Variants in C8orf34 observed in about 807,000 individuals in gnomAD.
C8orf34 encodes the protein uncharacterized protein C8orf34.
Under a neutral mutation model 68.3 loss-of-function variants are expected in C8orf34, and 65 were observed. The ratio of observed to expected loss-of-function variants is 0.95; its 90% CI spans 0.78 to 1.17. C8orf34 has a LOEUF of 1.17. C8orf34 is among the 50% of genes most tolerant of loss of function. C8orf34 has a pLI of 0.00. For synonymous variants in C8orf34, 244 were observed against 241.2 expected (o/e 1.01, Z -0.11); for missense variants, 664 against 655.4 (o/e 1.01, Z -0.14).
intron 7 of C8orf34, among the ~76,000 whole-genome samples, chr8:68,538,750 G>A (rs1051407217): frequency 6.6e-6 from 1 of 152,020 alleles, no homozygotes; most frequent in African/African-American, 2.4e-5. Flanking sequence ...CCAACACAAA[G>A]CACTAAATTT....
At chr8:68,617,249 G>C (rs1047151871) in intron 7 of C8orf34, among the ~76,000 whole-genome samples, 1 of 152,170 alleles carries the variant, frequency 6.6e-6, no homozygotes, top group Non-Finnish European at 1.5e-5. Context: ...CAATTTGCCA[G>C]TCTGTGTTTT....
At chr8:68,395,757 T>C (rs567547961) in intron 1 of C8orf34, among the ~76,000 whole-genome samples, 139 of 152,126 alleles carry the variant, frequency 9.1e-4, no homozygotes, top group African/African-American at 3.1e-3. Flanking sequence ...TCAAGGTTGA[T>C]GGGAGATGGG....
chr8:68,440,143 T>A (rs1445895352), intron 2 of C8orf34, among the ~76,000 whole-genome samples: 1 of 152,178 alleles, frequency 6.6e-6, no homozygotes, highest in Non-Finnish European at 1.5e-5. Context: ...TTCGAGTGTA[T>A]CATAGCCTCC....
At chr8:68,817,894 C>A (rs1323535198) in intron 13 of C8orf34, among the ~76,000 whole-genome samples, 2 of 152,098 alleles carry the variant, frequency 1.3e-5, no homozygotes, top group East Asian at 1.9e-4. Flanking sequence ...TCTTGTGAGA[C>A]CTCACTATCC....
At chr8:68,794,472 T>C (rs1824107828) in intron 12 of C8orf34, among the ~76,000 whole-genome samples, 1 of 111,400 alleles carries the variant, frequency 9.0e-6, no homozygotes, top group East Asian at 2.6e-4. Context: ...GTGCCCAGTA[T>C]ATAAATATAA....
intron 6 of C8orf34, among the ~76,000 whole-genome samples, chr8:68,528,877 G>A (rs1203041618): frequency 6.6e-6 from 1 of 152,176 alleles, no homozygotes; most frequent in East Asian, 1.9e-4. Flanking sequence ...TCCTCCAGCA[G>A]ACTCTCTGTG....
At position 68,421,968 on chromosome 8, in the gene C8orf34, A is replaced by C. The variant is rs191335134; in HGVS notation, c.328-17531A>C. 4.2e-4 allele frequency among the ~76,000 whole-genome samples: 64 copies of C among 152,290 alleles called. 1 individual carries two copies. The highest frequency in any genetic ancestry group is 1.3e-3 in the African/African-American group (54 of 41,566). On this transcript the variant is annotated intron_variant, in intron 1 of 13. Coordinates refer to ENST00000518698, the MANE Select transcript of C8orf34 (RefSeq NM_052958.4). ...AAAACCATCAGATCTTTTGAGACTCATTCACTATCATGAAAACAGAATGCA... is the reference window on the plus strand; with the variant it reads ...AAAACCATCAGATCTTTTGAGACTCCTTCACTATCATGAAAACAGAATGCA...
intron 8 of C8orf34, among the ~76,000 whole-genome samples, chr8:68,661,480 T>C (rs755096503): frequency 1.2e-4 from 18 of 151,970 alleles, no homozygotes; most frequent in Non-Finnish European, 2.2e-4. Flanking sequence ...ACTTGAAGAG[T>C]GAATGGAATA....
At chr8:68,431,861 A>G (rs1353389209) in intron 1 of C8orf34, among the ~76,000 whole-genome samples, 1 of 152,160 alleles carries the variant, frequency 6.6e-6, no homozygotes, top group Non-Finnish European at 1.5e-5. Flanking sequence ...TATTTTCATC[A>G]TTCCTAATCT....
chr8:68,355,097 G>A, intron 1 of C8orf34, among the ~76,000 whole-genome samples: 1 of 152,042 alleles, frequency 6.6e-6, no homozygotes. Context: ...ATGTACAGTG[G>A]ATATGTTTTA....
intron 3 of C8orf34, among the ~76,000 whole-genome samples, chr8:68,461,001 A>C (rs1223301247): frequency 2.0e-5 from 3 of 152,236 alleles, no homozygotes; most frequent in Non-Finnish European, 2.9e-5. Context: ...TCCGAGCTAC[A>C]GGAAGAAATT....
At chr8:68,403,201 G>C (rs2591013) in intron 1 of C8orf34, among the ~76,000 whole-genome samples, 96,491 of 151,966 alleles carry the variant, frequency 0.63, 30,714 homozygotes, top group African/African-American at 0.69. Context: ...GGGGAGGCCA[G>C]TGGAAGGCAG....
intron 10 of C8orf34, among the ~76,000 whole-genome samples, chr8:68,768,935 A>G (rs1289033037): frequency 1.3e-5 from 2 of 151,714 alleles, no homozygotes; most frequent in Non-Finnish European, 2.9e-5. Flanking sequence ...TTCTTTTAGC[A>G]TAAAGCACTG....
chr8:68,391,342 T>A (rs1346049882), intron 1 of C8orf34, among the ~76,000 whole-genome samples: 1 of 151,892 alleles, frequency 6.6e-6, no homozygotes, highest in Non-Finnish European at 1.5e-5. Context: ...AGTTTACAAA[T>A]TCAAATTGGA....
intron 10 of C8orf34, among the ~76,000 whole-genome samples, chr8:68,749,419 A>C (rs1420161939): frequency 6.6e-6 from 1 of 152,174 alleles, no homozygotes; most frequent in Non-Finnish European, 1.5e-5. Context: ...AACACAGAAC[A>C]GAAAGGACAA....
chr8:68,461,485 A>G lies in C8orf34; in HGVS notation c.608-7207A>G, dbSNP rs529127692. 8.0e-5 allele frequency among the ~76,000 whole-genome samples: 12 copies of G among 150,718 alleles called. 1 individual carries two copies. The South Asian group carries it at 2.3e-3, about 29-fold the overall frequency. ...GAGAAGAGCAACTCCAAGACATATA[A>G]TTGTCAGATTCACCAAAGTTGAAAT... On this transcript the variant is annotated intron_variant, in intron 3 of 13. Transcript: ENST00000518698.
chr8:68,424,716 C>T (rs1182648823), intron 1 of C8orf34, among the ~76,000 whole-genome samples: 13 of 151,960 alleles, frequency 8.6e-5, no homozygotes, highest in African/African-American at 1.4e-4. Context: ...CTGGCTAACA[C>T]GGTGTAACCC....
At position 68,625,533 on chromosome 8, in the gene C8orf34, T is replaced by C. The variant is rs1034602305; in HGVS notation, c.1106-14843T>C. The C allele has an allele frequency of 7.5e-6, 5 of 667,868 alleles. No individual in the cohort carries two copies. In the African/African-American group the frequency reaches 8.9e-5, roughly 12 times the overall value. The allele number at this position is 667,868 out of a possible 1,614,324, so 41.4% of individuals were successfully genotyped here. A position where few individuals can be genotyped will look rare whatever the true frequency, so the allele number is the denominator to read the frequency against. On this transcript the variant is annotated intron_variant, in intron 7 of 13. Transcript: ENST00000518698. ...TGGCGATGCTTTGTGGCTTGAAGTG[T>C]AAGGGATGAGAACAGCATGTGAATT...
rs577611481 is a variant in C8orf34, at chr8:68,673,631, C to A, written c.1241+33120C>A. ...AGCTCATCCACAGTAGAATACAGCA[C>A]CAAGTAGATTCCTATTCAACCCTAG... On this transcript the variant is annotated intron_variant, in intron 8 of 13. Coordinates refer to ENST00000518698, the MANE Select transcript of C8orf34 (RefSeq NM_052958.4). 5.3e-5 allele frequency among the ~76,000 whole-genome samples: 8 copies of A among 152,222 alleles called. No individual in the cohort carries two copies. The South Asian group carries it at 1.7e-3, about 32-fold the overall frequency.
Sources: gnomAD v4.1 joint callset for allele counts (sites outside exome capture counted in the v4.1 genomes callset) on GRCh38, gnomAD v4.1.1 for gene constraint, MANE v1.5 for transcripts, NCBI Gene and HGNC (gene_info 2026-07-23, HGNC 2026-07-21) for gene names.